Variants in MAGI2 observed in about 807,000 individuals in gnomAD.
MAGI2 encodes membrane associated guanylate kinase, WW and PDZ domain containing 2, also known as membrane-associated guanylate kinase, WW and PDZ domain-containing protein 2.
MAGI2 carries 35 observed loss-of-function variants against 133.3 expected under a neutral mutation model. The observed-to-expected ratio is 0.26, with a 90% CI of 0.20 to 0.35. MAGI2 has a LOEUF of 0.35. Ranked by LOEUF, MAGI2 falls within the 10% of genes least tolerant of loss-of-function variation. The pLI is 1.00. For missense variants in MAGI2, 1,636 were observed against 1,863.4 expected, an observed-to-expected ratio of 0.88 and a Z score of 2.25; for synonymous variants, 729 against 710.6, an observed-to-expected ratio of 1.03 and a Z score of -0.41.
intron 21 of MAGI2, among the ~76,000 whole-genome samples, chr7:78,075,205 G>A (rs1024134323): frequency 2.6e-5 from 4 of 152,182 alleles, no homozygotes. Context: ...GAGCAGCAAT[G>A]TCACACATAC....
intron 1 of MAGI2, among the ~76,000 whole-genome samples, chr7:79,417,380 G>T (rs760054013): frequency 3.9e-4 from 60 of 152,046 alleles, no homozygotes; most frequent in Admixed American, 1.2e-3. Flanking sequence ...AATGGTTAAG[G>T]CTCTGTTTAC....
intron 1 of MAGI2, among the ~76,000 whole-genome samples, chr7:79,241,441 A>C (rs2129555013): frequency 6.6e-6 from 1 of 152,340 alleles, no homozygotes. Context: ...GGAAGGGCCA[A>C]GTTAACCACA....
intron 1 of MAGI2, among the ~76,000 whole-genome samples, chr7:79,133,597 C>A (rs950491954): frequency 3.9e-5 from 6 of 152,088 alleles, no homozygotes; most frequent in Non-Finnish European, 8.8e-5. Flanking sequence ...ATATGTTCTG[C>A]AAATCATTGT....
chr7:78,128,252 G>A (rs937096394), intron 18 of MAGI2, among the ~76,000 whole-genome samples: 1 of 152,132 alleles, frequency 6.6e-6, no homozygotes, highest in Admixed American at 6.5e-5. Flanking sequence ...TTAAGCTGAG[G>A]GGGTTACTAG....
chr7:78,115,367 T>C (rs954205128), intron 20 of MAGI2, among the ~76,000 whole-genome samples: 4 of 152,106 alleles, frequency 2.6e-5, no homozygotes, highest in Non-Finnish European at 4.4e-5. Context: ...TAGAATTAAA[T>C]ACAAGTATAA....
chr7:79,361,303 G>C (rs959871445), intron 1 of MAGI2, among the ~76,000 whole-genome samples: 1 of 152,236 alleles, frequency 6.6e-6, no homozygotes, highest in Non-Finnish European at 1.5e-5. Context: ...GCTGGGAAGG[G>C]AAGAGTGTGG....
At chr7:79,071,630 T>A (rs1398430926) in intron 1 of MAGI2, among the ~76,000 whole-genome samples, 1 of 150,064 alleles carries the variant, frequency 6.7e-6, no homozygotes, top group African/African-American at 2.4e-5. Flanking sequence ...CCTGCAATTT[T>A]TTTTTTTTTT....
intron 13 of MAGI2, chr7:78,184,499 T>C (rs1827496160): frequency 1.3e-5 from 2 of 152,172 alleles, no homozygotes; most frequent in Non-Finnish European, 1.5e-5. Context: ...TAATGAGCTG[T>C]CATCATGGAA....
chr7:78,479,786 T>C (rs1416192103), intron 6 of MAGI2, among the ~76,000 whole-genome samples: 1 of 151,772 alleles, frequency 6.6e-6, no homozygotes, highest in Non-Finnish European at 1.5e-5. Flanking sequence ...ATCCCGATAA[T>C]CAAGAAAAAT....
At chr7:78,671,603 T>C (rs6980086) in intron 2 of MAGI2, among the ~76,000 whole-genome samples, 2,564 of 152,194 alleles carry the variant, frequency 0.017, 74 homozygotes, top group African/African-American at 0.059. Context: ...AAAATAGAAG[T>C]ACCCTCAAAC....
At chr7:78,894,133 G>C (rs374386838) in intron 2 of MAGI2, among the ~76,000 whole-genome samples, 70 of 152,284 alleles carry the variant, frequency 4.6e-4, no homozygotes, top group African/African-American at 1.6e-3. Flanking sequence ...CGGGCGCTGT[G>C]GCTCATGCCT....
chr7:78,223,366 GA>G (rs996153559), intron 10 of MAGI2, among the ~76,000 whole-genome samples: 3 of 152,016 alleles, frequency 2.0e-5, no homozygotes, highest in African/African-American at 7.2e-5. Context: ...CAGGTTTGAA[GA>G]ACCACCCAGA....
intron 3 of MAGI2, 81 bp from the exon 4 acceptor site, chr7:78,521,726 T>G: frequency 8.5e-7 from 1 of 1,171,828 alleles, no homozygotes; most frequent in Non-Finnish European, 1.3e-6. Flanking sequence ...GAAATTATAT[T>G]AACACATTTT....
At chr7:79,298,101 C>A (rs573453526) in intron 1 of MAGI2, among the ~76,000 whole-genome samples, 1 of 152,208 alleles carries the variant, frequency 6.6e-6, no homozygotes, top group African/African-American at 2.4e-5. Context: ...TTTTTTATAT[C>A]TAGCACATCA....
At position 79,282,432 on chromosome 7, in the gene MAGI2, A is replaced by G. The variant is rs371118878; in HGVS notation, c.301+170588T>C. On this transcript the variant is annotated intron_variant, in intron 1 of 21. Transcript: ENST00000354212. ...TGCTGCTGAGGATGGAGAAGAAACG[A>G]AGCTGATTTTATACTGTTGTTTTTG... Among the ~76,000 whole-genome samples, 64 of 152,328 alleles carry G rather than the reference A, an allele frequency of 4.2e-4. No homozygotes were observed. In the East Asian group the frequency reaches 0.012, roughly 28 times the overall value.
At chr7:78,328,085 G>C (rs1174890830) in intron 9 of MAGI2, among the ~76,000 whole-genome samples, 1 of 152,140 alleles carries the variant, frequency 6.6e-6, no homozygotes, top group Admixed American at 6.5e-5. Context: ...TAAACTCACT[G>C]TCAGGCAATC....
chr7:78,596,006 T>C (rs372546080), intron 3 of MAGI2, among the ~76,000 whole-genome samples: 2 of 152,128 alleles, frequency 1.3e-5, no homozygotes, highest in Non-Finnish European at 2.9e-5. Flanking sequence ...AAATTGAGAA[T>C]TTTCCCTATG....
intron 1 of MAGI2, among the ~76,000 whole-genome samples, chr7:79,033,061 A>G (rs959972418): frequency 6.6e-6 from 1 of 152,166 alleles, no homozygotes; most frequent in Non-Finnish European, 1.5e-5. Context: ...ACCACAGTCC[A>G]GGTTTAGAAG....
chr7:79,024,938 T>C (rs1388934208), intron 1 of MAGI2, among the ~76,000 whole-genome samples: 1 of 152,068 alleles, frequency 6.6e-6, no homozygotes, highest in Non-Finnish European at 1.5e-5. Context: ...TGTGAAGGGC[T>C]GTTTGGTGAT....
Sources: allele counts gnomAD v4.1 joint callset (sites outside exome capture counted in the v4.1 genomes callset), GRCh38; gene constraint gnomAD v4.1.1; transcripts MANE v1.5; gene names NCBI Gene and HGNC (gene_info 2026-07-23, HGNC 2026-07-21).